ERV3-1: variants seen among roughly 807,000 people sequenced by gnomAD.
The protein encoded by ERV3-1 is endogenous retrovirus group 3 member 1 Env polyprotein.
In ERV3-1, 36 loss-of-function variants were observed where a neutral mutation model predicts 24.6. That is an observed-to-expected ratio of 1.47 (90% CI 1.12 to 1.94). The LOEUF is 1.94. ERV3-1 is among the 30% of genes most tolerant of loss of function. The probability of loss-of-function intolerance (pLI) is 0.00; values close to 1 mark genes in which losing one functional copy is unlikely to be tolerated. For missense variants in ERV3-1, 578 were observed against 330.9 expected (o/e 1.75, Z -5.79); for synonymous variants, 211 against 122.6 (o/e 1.72, Z -4.76).
chr7:64,996,710 G>C (rs1166456215), intron 1 of ERV3-1, among the ~76,000 whole-genome samples: 1 of 152,200 alleles, frequency 6.6e-6, no homozygotes, highest in Non-Finnish European at 1.5e-5. Flanking sequence ...ACACCTCCTT[G>C]GCTGACAAAA....
intron 1 of ERV3-1, among the ~76,000 whole-genome samples, chr7:64,997,081 A>G (rs137970830): frequency 0.016 from 2,441 of 152,204 alleles, 38 homozygotes; most frequent in South Asian, 0.076. Context: ...GCGCACATTG[A>G]TTCCTACATA....
chr7:65,000,781 T>A (rs1351796096), intron 1 of ERV3-1, among the ~76,000 whole-genome samples: 1 of 151,866 alleles, frequency 6.6e-6, no homozygotes, highest in Non-Finnish European at 1.5e-5. Flanking sequence ...TGAGACCCTG[T>A]CTCCAAAACT....
In ERV3-1 at chr7:64,992,375, CTTTTAA is replaced by C. The variant is rs754004440; in HGVS notation, c.646_651del (p.Leu216_Lys217del). ...CCGCTGACTCGTGCCCCTAGCGGTGCTTTTAAACCTGTTGTCCATATGGGCTGATCT... is the reference window on the plus strand; with the variant it reads ...CCGCTGACTCGTGCCCCTAGCGGTGCACCTGTTGTCCATATGGGCTGATCT... On this transcript the variant is annotated inframe_deletion, in exon 2 of 2. Transcript: ENST00000394323. 3.5e-5 allele frequency: 27 copies of C among 766,262 alleles called. No individual in the cohort carries two copies. The Middle Eastern group carries it at 9.0e-4, about 25-fold the overall frequency. The allele number at this position is 766,262 out of a possible 1,614,324, so 47.5% of individuals were successfully genotyped here. A position where few individuals can be genotyped will look rare whatever the true frequency, so the allele number is the denominator to read the frequency against.
chr7:64,991,266 T>G lies in ERV3-1; in HGVS notation c.1761A>C (p.Ile587=). The change falls in exon 2 of 2, where the codon ATA becomes ATC. Residue 587 remains isoleucine, a synonymous_variant. Coordinates refer to ENST00000394323, the MANE Select transcript of ERV3-1 (RefSeq NM_001007253.4). ...LDDEGKVIKE[I]TAKIQKLAHI... ...GAGCTAACTTTTGGATTTTAGCAGT[T>G]ATTTCTTTGATGACCTTTCCTTCGT... The G allele has an allele frequency of 1.3e-6, 1 of 742,728 alleles. No homozygotes were observed. Among genetic ancestry groups the G allele is most frequent in the Non-Finnish European group, 2.5e-6 (1 of 405,274 alleles). The allele number at this position is 742,728 out of a possible 1,614,324, so 46.0% of individuals were successfully genotyped here.
At chr7:65,004,358 G>A (rs62456485) in intron 1 of ERV3-1, 7,907 of 152,120 alleles carry the variant, frequency 0.052, 291 homozygotes, top group South Asian at 0.11. Flanking sequence ...GCAAAACTCC[G>A]TCTCAAAACA....
In ERV3-1 at chr7:64,991,987, G is replaced by C. The variant is rs1479673025; in HGVS notation, c.1040C>G (p.Ala347Gly). Residue 347 changes from alanine to glycine, a missense_variant, in exon 2 of 2, where the codon GCT becomes GGT. By Grantham distance (60) the Ala-to-Gly change is moderately conservative. Coordinates refer to ENST00000394323, the MANE Select transcript of ERV3-1 (RefSeq NM_001007253.4). ...KTSIIGKFCI[A>G]RWGKAFTDPV... ...GTCTGTAAAGGCCTTTCCCCAGCGA[G>C]CAATACAGAATTTTCCAATAATGGA... is the stretch of plus-strand genomic sequence containing the variant. 2 of 766,284 alleles carry C rather than the reference G, an allele frequency of 2.6e-6. No homozygotes were observed. Among genetic ancestry groups the C allele is most frequent in the African/African-American group, 3.4e-5 (2 of 59,136 alleles). 47.5% of individuals were successfully genotyped at this position (766,284 alleles called of 1,614,324 possible).
rs376544053 is a variant in ERV3-1, at chr7:64,992,940, G to A, written c.87C>T (p.Leu29=). 2.6e-6 allele frequency: 2 copies of A among 766,308 alleles called. No homozygotes were observed. The highest frequency in any genetic ancestry group is 4.8e-6 in the Non-Finnish European group (2 of 417,910). 47.5% of individuals were successfully genotyped at this position (766,308 alleles called of 1,614,324 possible). Residue 29 remains leucine (L), a synonymous_variant, in exon 2 of 2, where the codon CTC becomes CTT. Transcript: ENST00000394323. ...MLKGEPWEGC[L]HCTHTTWSGN... The stretch of plus-strand genomic sequence containing the variant: ...CCGACCACGTAGTGTGGGTGCAGTG[G>A]AGGCATCCCTCCCAGGGTTCTCCTT...
chr7:64,993,019 C>T lies in ERV3-1; in HGVS notation c.8G>A (p.Gly3Asp), dbSNP rs370235403. The change falls in exon 2 of 2, where the codon GGT becomes GAT. Residue 3 changes from glycine to aspartate, a missense_variant. Coordinates refer to ENST00000394323, the MANE Select transcript of ERV3-1 (RefSeq NM_001007253.4). ML[G>D]MNMLLITLFL... ...CAAAGTGATGAGTAGCATGTTCATA[C>T]CCAGCATGGACAGAAAAGGCTTTTT... 2.7e-6 allele frequency: 2 copies of T among 752,838 alleles called. No homozygotes were observed. Among genetic ancestry groups the T allele is most frequent in the South Asian group, 2.7e-5 (2 of 73,732 alleles). 46.6% of individuals were successfully genotyped at this position (752,838 alleles called of 1,614,324 possible). A position where few individuals can be genotyped will look rare whatever the true frequency, so the allele number is the denominator to read the frequency against.
At position 64,995,291 on chromosome 7, in the gene ERV3-1, C is replaced by T. The variant is rs75523137; in HGVS notation, c.-388-1877G>A. ...TTACAGCAAGGAGGCCACCCTAGCACCACAGAGTCAACTGTTTGGATAAGT... is the reference window on the plus strand; with the variant it reads ...TTACAGCAAGGAGGCCACCCTAGCATCACAGAGTCAACTGTTTGGATAAGT... On this transcript the variant is annotated intron_variant, in intron 1 of 1. Coordinates refer to ENST00000394323, the MANE Select transcript of ERV3-1 (RefSeq NM_001007253.4). Among the ~76,000 whole-genome samples the T allele has an allele frequency of 4.0e-3, 616 of 152,296 alleles. 8 individuals are homozygous for T. Among genetic ancestry groups the T allele is most frequent in the African/African-American group, 0.014 (587 of 41,564 alleles).
At chr7:64,994,271 A>G (rs966162688) in intron 1 of ERV3-1, among the ~76,000 whole-genome samples, 1 of 152,160 alleles carries the variant, frequency 6.6e-6, no homozygotes, top group Non-Finnish European at 1.5e-5. Flanking sequence ...ATGGCGTCCT[A>G]GTAGCGTTTC....
In ERV3-1 at chr7:64,992,860, G is replaced by T; in HGVS notation, c.167C>A (p.Thr56Asn). Reference protein sequence around the residue: ...LYHTYYECAGTCLGTCTHNQT... With the variant: ...LYHTYYECAGNCLGTCTHNQT... ...GTTGTGAGTACAAGTTCCTAGGCAG[G>T]TCCCAGCACACTCATAATAAGTGTG... The change falls in exon 2 of 2, where the codon ACC (threonine) becomes AAC (asparagine). Residue 56 changes from threonine to asparagine, a missense_variant. Physicochemically the swap from Thr to Asn is moderately conservative, Grantham distance 65 (BLOSUM62 0). Transcript: ENST00000394323. 3 of 766,386 alleles carry T rather than the reference G, an allele frequency of 3.9e-6. No homozygotes were observed. Among genetic ancestry groups the T allele is most frequent in the Non-Finnish European group, 7.2e-6 (3 of 417,908 alleles). 47.5% of individuals were successfully genotyped at this position (766,386 alleles called of 1,614,324 possible).
chr7:65,000,056 C>A (rs1486198109), intron 1 of ERV3-1, among the ~76,000 whole-genome samples: 2 of 152,014 alleles, frequency 1.3e-5, no homozygotes, highest in East Asian at 1.9e-4. Context: ...GTTTATACCC[C>A]AAAAAATATA....
At chr7:65,002,041 C>T (rs1247731020) in intron 1 of ERV3-1, among the ~76,000 whole-genome samples, 1 of 152,092 alleles carries the variant, frequency 6.6e-6, no homozygotes, top group Non-Finnish European at 1.5e-5. Context: ...ATTTATTATA[C>T]AAAATACAAC....
intron 1 of ERV3-1, 118 bp downstream of exon 1, chr7:65,006,423 T>A (rs1786652176): frequency 1.4e-6 from 2 of 1,473,230 alleles, no homozygotes; most frequent in Non-Finnish European, 1.9e-6. Context: ...CAAGGAGAAC[T>A]CGGGGCCGCG....
intron 1 of ERV3-1, among the ~76,000 whole-genome samples, chr7:65,001,395 G>C (rs888289413): frequency 1.3e-5 from 2 of 152,204 alleles, no homozygotes; most frequent in Admixed American, 1.3e-4. Context: ...AATATGTCAG[G>C]AGACTCGTAG....
rs1584074494 is a variant in ERV3-1, at chr7:65,006,629, G to A, written c.-477C>T. 1.9e-6 allele frequency: 3 copies of A among 1,544,304 alleles called. No individual in the cohort carries two copies. In the Admixed American group the frequency reaches 5.0e-5, roughly 26 times the overall value. On this transcript the variant is annotated 5_prime_UTR_variant, in exon 1 of 2. Coordinates refer to ENST00000394323, the MANE Select transcript of ERV3-1 (RefSeq NM_001007253.4). ...CGAGGCCACAGAAGCTGGGCCTCTA[G>A]GAGCAGAAGACACAGAGCAGTGAAG...
At chr7:64,999,026 A>G (rs1786464110) in intron 1 of ERV3-1, among the ~76,000 whole-genome samples, 1 of 152,116 alleles carries the variant, frequency 6.6e-6, no homozygotes, top group Non-Finnish European at 1.5e-5. Flanking sequence ...AGCCCCTCTC[A>G]TGTCCTGAGT....
At chr7:65,004,701 G>C (rs1011046133) in intron 1 of ERV3-1, 1 of 152,082 alleles carries the variant, frequency 6.6e-6, no homozygotes, top group Non-Finnish European at 1.5e-5. Context: ...TGACTCATAT[G>C]TCAAGTCAGG....
chr7:65,001,606 C>T (rs1786525964), intron 1 of ERV3-1, among the ~76,000 whole-genome samples: 2 of 152,274 alleles, frequency 1.3e-5, no homozygotes, highest in South Asian at 4.1e-4. Flanking sequence ...TTTCAGTCCT[C>T]TCTCACAGTG....
Sources: gnomAD v4.1 joint callset for allele counts (sites outside exome capture counted in the v4.1 genomes callset) on GRCh38, gnomAD v4.1.1 for gene constraint, MANE v1.5 for transcripts, NCBI Gene and HGNC (gene_info 2026-07-23, HGNC 2026-07-21) for gene names.